Variants in L3MBTL4 observed in about 807,000 individuals in gnomAD.
L3MBTL4 encodes the protein L3MBTL histone methyl-lysine binding protein 4.
Under a neutral mutation model 84.5 loss-of-function variants are expected in L3MBTL4, and 70 were observed. That is an observed-to-expected ratio of 0.83 (90% CI 0.68 to 1.01). L3MBTL4 has a LOEUF of 1.01. Ranked by LOEUF, L3MBTL4 falls within the 50% of genes least tolerant of loss-of-function variation. The probability of loss-of-function intolerance (pLI) is 0.00; values close to 1 mark genes in which losing one functional copy is unlikely to be tolerated. For missense variants in L3MBTL4, 715 were observed against 754.8 expected (o/e 0.95, Z 0.62); for synonymous variants, 274 against 259.8 (o/e 1.05, Z -0.52).
intron 1 of L3MBTL4, among the ~76,000 whole-genome samples, chr18:6,356,201 G>A (rs778347755): frequency 6.6e-6 from 1 of 152,186 alleles, no homozygotes; most frequent in Non-Finnish European, 1.5e-5. Flanking sequence ...CCCAGTACCT[G>A]GTGCAAGATG....
chr18:6,261,451 C>T (rs958550163), intron 5 of L3MBTL4, among the ~76,000 whole-genome samples: 2 of 152,206 alleles, frequency 1.3e-5, no homozygotes, highest in African/African-American at 4.8e-5. Context: ...ATCACCTGCT[C>T]ACCACCCGCC....
chr18:6,390,181 T>TAC (rs1417867709), intron 1 of L3MBTL4, among the ~76,000 whole-genome samples: 3 of 151,822 alleles, frequency 2.0e-5, no homozygotes, highest in Non-Finnish European at 4.4e-5. Flanking sequence ...TATATACATA[T>TAC]ACACACACAC....
chr18:6,019,815 C>CT (rs2055170307), intron 16 of L3MBTL4, among the ~76,000 whole-genome samples: 2 of 152,176 alleles, frequency 1.3e-5, no homozygotes, highest in Non-Finnish European at 2.9e-5. Context: ...ACAAAGTTAG[C>CT]CACTCCCTTT....
At chr18:6,072,729 C>T (rs946125191) in intron 16 of L3MBTL4, among the ~76,000 whole-genome samples, 1 of 147,892 alleles carries the variant, frequency 6.8e-6, no homozygotes, top group African/African-American at 2.5e-5. Context: ...AGTGGCGGGC[C>T]CCTGTAGTCC....
chr18:6,170,405 C>G (rs2043909998), intron 13 of L3MBTL4, among the ~76,000 whole-genome samples: 1 of 152,098 alleles, frequency 6.6e-6, no homozygotes, highest in Admixed American at 6.6e-5. Context: ...TAAGAAAGAA[C>G]CAGCAGGACA....
At chr18:6,037,426 G>A (rs2056192684) in intron 16 of L3MBTL4, among the ~76,000 whole-genome samples, 1 of 152,196 alleles carries the variant, frequency 6.6e-6, no homozygotes, top group Non-Finnish European at 1.5e-5. Flanking sequence ...GATTCTGCCA[G>A]TGCAGTTATT....
intron 16 of L3MBTL4, among the ~76,000 whole-genome samples, chr18:6,004,787 G>C (rs925894499): frequency 2.0e-5 from 3 of 152,110 alleles, no homozygotes; most frequent in African/African-American, 7.2e-5. Flanking sequence ...ATGAGATAGT[G>C]AGAGTAGTCA....
At chr18:6,359,452 T>A (rs780556882) in intron 1 of L3MBTL4, among the ~76,000 whole-genome samples, 4 of 152,028 alleles carry the variant, frequency 2.6e-5, no homozygotes, top group Non-Finnish European at 5.9e-5. Flanking sequence ...CTCAAAAAAA[T>A]AAATAAATAA....
intron 7 of L3MBTL4, among the ~76,000 whole-genome samples, chr18:6,241,705 T>C (rs2047459055): frequency 6.6e-6 from 1 of 152,188 alleles, no homozygotes; most frequent in African/African-American, 2.4e-5. Flanking sequence ...TGTGCAAAAC[T>C]GTTGATAGTG....
chr18:6,402,896 C>T (rs975759897), intron 1 of L3MBTL4, among the ~76,000 whole-genome samples: 6 of 152,324 alleles, frequency 3.9e-5, no homozygotes, highest in African/African-American at 1.4e-4. Context: ...AGCAAACCCT[C>T]TGTCTTTCAT....
intron 13 of L3MBTL4, among the ~76,000 whole-genome samples, chr18:6,149,534 C>T (rs2042801642): frequency 6.6e-6 from 1 of 152,092 alleles, no homozygotes; most frequent in Admixed American, 6.5e-5. Flanking sequence ...TTTATAGCAG[C>T]ATGATTTATA....
intron 1 of L3MBTL4, among the ~76,000 whole-genome samples, chr18:6,340,931 GGAA>G (rs1338793103): frequency 1.2e-4 from 18 of 152,098 alleles, no homozygotes; most frequent in Non-Finnish European, 2.4e-4. Context: ...ACTGCACTAG[GGAA>G]AATAAATAGG....
At chr18:6,160,842 C>T (rs889223998) in intron 13 of L3MBTL4, among the ~76,000 whole-genome samples, 1 of 151,824 alleles carries the variant, frequency 6.6e-6, no homozygotes, top group Non-Finnish European at 1.5e-5. Context: ...TGGTTAATTT[C>T]CCACGCAAGA....
intron 16 of L3MBTL4, among the ~76,000 whole-genome samples, chr18:5,987,749 T>C (rs997629283): frequency 6.6e-6 from 1 of 152,138 alleles, no homozygotes; most frequent in African/African-American, 2.4e-5. Context: ...GAAAAAAAAA[T>C]TAAACCAGTG....
rs148263216 is a variant in L3MBTL4, at chr18:6,400,049, C to T, written c.-91+14752G>A. On this transcript the variant is annotated intron_variant, in intron 1 of 18. Transcript: ENST00000317931. The stretch of plus-strand genomic sequence containing the variant: ...CATTAATTTCTATAAGTATTAAGTG[C>T]TACAGAAATACAAAACAAGCTTTTA... Among the ~76,000 whole-genome samples the T allele has an allele frequency of 4.9e-3, 748 of 152,136 alleles. 4 individuals carry two copies. Among genetic ancestry groups the T allele is most frequent in the African/African-American group, 0.017 (712 of 41,510 alleles).
intron 12 of L3MBTL4, among the ~76,000 whole-genome samples, chr18:6,185,126 C>T (rs1220980433): frequency 1.3e-5 from 2 of 152,150 alleles, no homozygotes; most frequent in Admixed American, 6.5e-5. Context: ...ACAGGATATG[C>T]AGGTCAAAAC....
chr18:6,110,545 G>A (rs115618286), intron 14 of L3MBTL4, among the ~76,000 whole-genome samples: 16 of 136,960 alleles, frequency 1.2e-4, no homozygotes, highest in African/African-American at 3.9e-4. Flanking sequence ...GGGTGTACAT[G>A]TATATGTGTG....
At chr18:5,995,154 C>A (rs1469651142) in intron 16 of L3MBTL4, among the ~76,000 whole-genome samples, 1 of 152,254 alleles carries the variant, frequency 6.6e-6, no homozygotes, top group Non-Finnish European at 1.5e-5. Flanking sequence ...ATGGGTCTGA[C>A]AATCACCATC....
At chr18:6,163,240 G>T (rs2043429681) in intron 13 of L3MBTL4, among the ~76,000 whole-genome samples, 1 of 129,532 alleles carries the variant, frequency 7.7e-6, no homozygotes. Context: ...GGGTGTGTTT[G>T]TCTACGGGTG....
Sources: allele counts gnomAD v4.1 joint callset (sites outside exome capture counted in the v4.1 genomes callset), GRCh38; gene constraint gnomAD v4.1.1; transcripts MANE v1.5; gene names NCBI Gene and HGNC (gene_info 2026-07-23, HGNC 2026-07-21).